The following GRIK4 variants were observed in gnomAD, a reference collection of about 807,000 sequenced individuals.
GRIK4 encodes glutamate ionotropic receptor kainate type subunit 4.
A neutral mutation model predicts 104.9 loss-of-function variants in GRIK4; 40 were observed. The ratio of observed to expected loss-of-function variants is 0.38; its 90% CI spans 0.30 to 0.50. The LOEUF (loss-of-function observed/expected upper bound fraction) is 0.50. GRIK4 is among the 20% of genes least tolerant of loss of function. The probability of loss-of-function intolerance (pLI) is 0.93; values close to 1 mark genes in which losing one functional copy is unlikely to be tolerated. For synonymous variants in GRIK4, 485 were observed against 524.9 expected, an observed-to-expected ratio of 0.92 and a Z score of 1.04; for missense variants, 1,047 against 1,308.1, an observed-to-expected ratio of 0.80 and a Z score of 3.08.
chr11:120,897,862 G>A (rs1399810159), intron 11 of GRIK4, among the ~76,000 whole-genome samples: 1 of 151,884 alleles, frequency 6.6e-6, no homozygotes, highest in Non-Finnish European at 1.5e-5. Context: ...TTTCACTGTT[G>A]AGATCTGCGT....
chr11:120,730,590 A>G (rs1301196551), intron 3 of GRIK4, among the ~76,000 whole-genome samples: 2 of 147,170 alleles, frequency 1.4e-5, no homozygotes, highest in African/African-American at 2.5e-5. Flanking sequence ...TTTTTTTTCT[A>G]TTTCCGTGAA....
At chr11:120,561,626 G>A (rs938224350) in intron 1 of GRIK4, among the ~76,000 whole-genome samples, 3 of 152,212 alleles carry the variant, frequency 2.0e-5, no homozygotes, top group Non-Finnish European at 4.4e-5. Flanking sequence ...ACACCTTCGG[G>A]GGCAGCCCAT....
Position 120,953,691 on chromosome 11 carries a change from T to C in GRIK4, c.1700+727T>C, listed in dbSNP as rs1893817. 0.8 allele frequency among the ~76,000 whole-genome samples: 121,343 copies of C among 152,180 alleles called. 48,490 individuals are homozygous for C. The highest frequency in any genetic ancestry group is 1 in the East Asian group (5,140 of 5,164). On this transcript the variant is annotated intron_variant, in intron 15 of 20. Coordinates refer to ENST00000527524, the MANE Select transcript of GRIK4 (RefSeq NM_014619.5). This position sits in a 1 kb window ranked among gnomAD's most constrained non-coding sequence, Gnocchi z 4.9. The stretch of plus-strand genomic sequence containing the variant: ...CTTTGGAAAAACCTGAGGAGCAGCC[T>C]GAGGCTGTGGCCTCCCAAGACTGTG...
chr11:120,700,414 C>T (rs762725886), intron 3 of GRIK4, among the ~76,000 whole-genome samples: 11 of 151,956 alleles, frequency 7.2e-5, no homozygotes, highest in Non-Finnish European at 1.3e-4. Flanking sequence ...GCTGGGATTA[C>T]AGGCATGTGC....
chr11:120,539,295 G>A (rs1293445816), intron 1 of GRIK4, among the ~76,000 whole-genome samples: 2 of 152,286 alleles, frequency 1.3e-5, no homozygotes, highest in African/African-American at 2.4e-5. Context: ...CAGGCCTGGC[G>A]AAGAACAGGT....
At chr11:120,805,897 T>G (rs1423229115) in intron 4 of GRIK4, among the ~76,000 whole-genome samples, 1 of 152,180 alleles carries the variant, frequency 6.6e-6, no homozygotes, top group Non-Finnish European at 1.5e-5. Context: ...ATCCCTACTT[T>G]GGCGAGGCTG....
At chr11:120,664,015 A>G (rs921763661) in intron 3 of GRIK4, among the ~76,000 whole-genome samples, 3 of 152,334 alleles carry the variant, frequency 2.0e-5, no homozygotes, top group Admixed American at 6.5e-5. Flanking sequence ...TCTGAACTCC[A>G]TGGGAGAGTG....
chr11:120,531,669 A>G (rs1269180312), intron 1 of GRIK4, among the ~76,000 whole-genome samples: 2 of 151,638 alleles, frequency 1.3e-5, no homozygotes, highest in African/African-American at 4.9e-5. Context: ...TCTGCCTCCC[A>G]GGTTCAAGCA....
At chr11:120,927,859 T>C (rs1214596005) in intron 13 of GRIK4, among the ~76,000 whole-genome samples, 1 of 152,100 alleles carries the variant, frequency 6.6e-6, no homozygotes, top group Admixed American at 6.5e-5. Context: ...TAAAATATTT[T>C]AAAATAAGAG....
intron 1 of GRIK4, among the ~76,000 whole-genome samples, chr11:120,616,344 C>G (rs969189616): frequency 3.3e-5 from 5 of 152,182 alleles, no homozygotes; most frequent in African/African-American, 4.8e-5. Context: ...GCAGGTGCAC[C>G]TTAGCTGGAG....
chr11:120,812,624 C>A (rs765113495), intron 4 of GRIK4, among the ~76,000 whole-genome samples: 69 of 152,196 alleles, frequency 4.5e-4, no homozygotes, highest in Admixed American at 1.0e-3. Context: ...GAAAACAGGC[C>A]CAGAGGTTTG....
chr11:120,621,544 A>G (rs541298296), intron 1 of GRIK4, among the ~76,000 whole-genome samples: 1 of 152,290 alleles, frequency 6.6e-6, no homozygotes, highest in Admixed American at 6.5e-5. Context: ...GGTCTGGGCC[A>G]TCAGGAGCCA....
At chr11:120,824,206 G>T (rs12291852) in intron 6 of GRIK4, among the ~76,000 whole-genome samples, 31,991 of 152,184 alleles carry the variant, frequency 0.21, 7,381 homozygotes, top group African/African-American at 0.58. Flanking sequence ...AGTAGAGAGA[G>T]ATTGTATATT....
At chr11:120,820,634 C>T (rs953624453) in intron 6 of GRIK4, among the ~76,000 whole-genome samples, 7 of 152,224 alleles carry the variant, frequency 4.6e-5, no homozygotes, top group Non-Finnish European at 1.0e-4. Context: ...ACTGCTGGAA[C>T]CCAGTGCCTG....
chr11:120,849,165 A>G (rs57758315), intron 8 of GRIK4, among the ~76,000 whole-genome samples: 5,380 of 151,090 alleles, frequency 0.036, 212 homozygotes, highest in African/African-American at 0.099. Flanking sequence ...CAACGCGCGC[A>G]CACACACACA....
intron 3 of GRIK4, among the ~76,000 whole-genome samples, chr11:120,746,402 G>T (rs11217996): frequency 6.6e-6 from 1 of 152,050 alleles, no homozygotes; most frequent in African/African-American, 2.4e-5. Flanking sequence ...TTTTAGATAC[G>T]GTGTGGGACA....
chr11:120,543,070 C>A (rs766793252), intron 1 of GRIK4, among the ~76,000 whole-genome samples: 1 of 152,256 alleles, frequency 6.6e-6, no homozygotes, highest in Non-Finnish European at 1.5e-5. Flanking sequence ...AGTGTACCCC[C>A]GTACACTGTT....
At chr11:120,825,617 G>A (rs1021901160) in intron 6 of GRIK4, among the ~76,000 whole-genome samples, 2 of 152,234 alleles carry the variant, frequency 1.3e-5, no homozygotes, top group Admixed American at 6.5e-5. Context: ...TCTCGAGGCA[G>A]TCCCTGCCCT....
At chr11:120,861,477 A>G (rs1024226063) in intron 8 of GRIK4, among the ~76,000 whole-genome samples, 1 of 152,152 alleles carries the variant, frequency 6.6e-6, no homozygotes, top group African/African-American at 2.4e-5. Flanking sequence ...TGATGTCTTC[A>G]TCAAAGTACA....
Sources: gnomAD v4.1 joint callset for allele counts (sites outside exome capture counted in the v4.1 genomes callset) on GRCh38, gnomAD v4.1.1 for gene constraint, Gnocchi (gnomAD v3.1) non-coding constraint, MANE v1.5 for transcripts, NCBI Gene and HGNC (gene_info 2026-07-23, HGNC 2026-07-21) for gene names.